MCPH1: variants seen among roughly 807,000 people sequenced by gnomAD.
MCPH1 encodes the protein microcephalin 1.
MCPH1 carries 104 observed loss-of-function variants against 84.5 expected under a neutral mutation model. That is an observed-to-expected ratio of 1.23 (90% CI 1.05 to 1.45). The LOEUF is 1.45. Ranked by LOEUF, MCPH1 falls within the 40% of genes most tolerant of loss-of-function variation. The probability of loss-of-function intolerance (pLI) is 0.00; values close to 1 mark genes in which losing one functional copy is unlikely to be tolerated. For synonymous variants in MCPH1, 514 were observed against 366.8 expected (o/e 1.40, Z -4.58); for missense variants, 1,498 against 1,005.7 (o/e 1.49, Z -6.62).
At chr8:6,491,369 T>C (rs1810556170) in intron 11 of MCPH1, among the ~76,000 whole-genome samples, 1 of 133,952 alleles carries the variant, frequency 7.5e-6, no homozygotes, top group South Asian at 2.3e-4. Flanking sequence ...GAGTCTATGG[T>C]TTCTTTCTTT....
intron 12 of MCPH1, among the ~76,000 whole-genome samples, chr8:6,587,497 A>G (rs1424854084): frequency 6.6e-6 from 1 of 152,166 alleles, no homozygotes; most frequent in African/African-American, 2.4e-5. Context: ...AAGATATAGA[A>G]CACTGTTTCT....
intron 13 of MCPH1, among the ~76,000 whole-genome samples, chr8:6,627,900 T>G (rs561969212): frequency 6.7e-6 from 1 of 148,792 alleles, no homozygotes; most frequent in African/African-American, 2.5e-5. Flanking sequence ...TAAAAATATA[T>G]ATGTGTTTAT....
At chr8:6,626,804 G>C (rs1012584228) in intron 13 of MCPH1, 62 of 985,230 alleles carry the variant, frequency 6.3e-5, no homozygotes, top group Non-Finnish European at 7.1e-5. Context: ...CATTTGTGCT[G>C]TGGTCAGCTC....
chr8:6,621,558 C>T lies in MCPH1; in HGVS notation c.2319C>T (p.Ala773=), dbSNP rs564066330. The change falls in exon 13 of 14, where the codon GCC becomes GCT. Residue 773 remains alanine (A), a synonymous_variant. Transcript: ENST00000344683. ...FVSPASSPPV[A]KLCELVHLCG... is the part of the protein sequence containing the mutation. Reference sequence around the variant, plus strand: ...CGCCTGCCAGCAGCCCCCCAGTGGCCAAGCTCTGTGAACTAGTCCACCTGT... The same window carrying T: ...CGCCTGCCAGCAGCCCCCCAGTGGCTAAGCTCTGTGAACTAGTCCACCTGT... 2 of 1,614,220 alleles carry T rather than the reference C, an allele frequency of 1.2e-6. No individual in the cohort carries two copies. Among genetic ancestry groups the T allele is most frequent in the African/African-American group, 1.3e-5 (1 of 75,050 alleles).
chr8:6,460,614 C>T (rs1245051204), intron 9 of MCPH1, among the ~76,000 whole-genome samples: 2 of 152,040 alleles, frequency 1.3e-5, no homozygotes, highest in Non-Finnish European at 2.9e-5. Context: ...GAAATAACTC[C>T]CTTTTCTGGC....
At chr8:6,517,646 C>A (rs1037477290) in intron 12 of MCPH1, among the ~76,000 whole-genome samples, 6 of 152,180 alleles carry the variant, frequency 3.9e-5, no homozygotes, top group African/African-American at 1.4e-4. Flanking sequence ...TGACCACTAC[C>A]ATTTACTGTC....
At chr8:6,479,093 T>A (rs1369790410) in intron 10 of MCPH1, among the ~76,000 whole-genome samples, 1 of 152,114 alleles carries the variant, frequency 6.6e-6, no homozygotes, top group Non-Finnish European at 1.5e-5. Context: ...AGCAAAACCT[T>A]GTGTCTACAA....
At chr8:6,534,802 C>G (rs1265774558) in intron 12 of MCPH1, among the ~76,000 whole-genome samples, 2 of 152,172 alleles carry the variant, frequency 1.3e-5, no homozygotes, top group Admixed American at 1.3e-4. Flanking sequence ...TTAATTCATT[C>G]TTTCTCCTTC....
At chr8:6,499,566 A>T (rs985257449) in intron 11 of MCPH1, 2 of 187,146 alleles carry the variant, frequency 1.1e-5, no homozygotes, top group South Asian at 1.4e-4. Flanking sequence ...TATATATAAA[A>T]TATTTCATAT....
chr8:6,526,745 T>C (rs1218167099), intron 12 of MCPH1, among the ~76,000 whole-genome samples: 1 of 152,178 alleles, frequency 6.6e-6, no homozygotes, highest in Non-Finnish European at 1.5e-5. Context: ...TATATTGTTA[T>C]AGCCATGTTC....
At chr8:6,556,434 AAG>A (rs1404703795) in intron 12 of MCPH1, among the ~76,000 whole-genome samples, 1 of 152,072 alleles carries the variant, frequency 6.6e-6, no homozygotes, top group Non-Finnish European at 1.5e-5. Flanking sequence ...TGTAGTGACC[AAG>A]GACTTAACAT....
In MCPH1 at chr8:6,645,788, A is replaced by G. The variant is rs986076549; in HGVS notation, c.*2739A>G. ...ACGATTCCATTTAAAATTGCATCTAAAAATAAACAAAATAGGAATAGACTT... is the reference window on the plus strand; with the variant it reads ...ACGATTCCATTTAAAATTGCATCTAGAAATAAACAAAATAGGAATAGACTT... On this transcript the variant is annotated 3_prime_UTR_variant, in exon 14 of 14. Transcript: ENST00000344683. 2 of 152,162 alleles carry G rather than the reference A, an allele frequency of 1.3e-5. No homozygotes were observed. Among genetic ancestry groups the G allele is most frequent in the Non-Finnish European group, 1.5e-5 (1 of 68,020 alleles). The allele number at this position is 152,162 out of a possible 1,614,324, so 9.4% of individuals were successfully genotyped here.
Position 6,480,778 on chromosome 8 carries a change from T to A in MCPH1, c.2038T>A (p.Cys680Ser). ...LKGFSIAPDV[C>S]ETTTHVLSGK... ...AGGCTTTTCAATTGCACCAGACGTC[T>A]GTGAGACCACGACTCACGTGCTTTC... is the stretch of plus-strand genomic sequence containing the variant. The change falls in exon 11 of 14, where the codon TGT (cysteine) becomes AGT (serine). Residue 680 changes from cysteine to serine, a missense_variant. Coordinates refer to ENST00000344683, the MANE Select transcript of MCPH1 (RefSeq NM_024596.5). The A allele has an allele frequency of 6.2e-7, 1 of 1,614,216 alleles. No individual in the cohort carries two copies.
At chr8:6,605,387 G>A (rs1829683133) in intron 12 of MCPH1, among the ~76,000 whole-genome samples, 1 of 152,136 alleles carries the variant, frequency 6.6e-6, no homozygotes, top group African/African-American at 2.4e-5. Flanking sequence ...GGGAGTCCTT[G>A]CCTTTCATTC....
At chr8:6,505,182 A>G (rs2129564090) in intron 12 of MCPH1, among the ~76,000 whole-genome samples, 1 of 143,426 alleles carries the variant, frequency 7.0e-6, no homozygotes, top group East Asian at 2.0e-4. Context: ...AAGAATATAT[A>G]TATATATATT....
At chr8:6,529,385 A>G (rs956901537) in intron 12 of MCPH1, among the ~76,000 whole-genome samples, 1 of 152,064 alleles carries the variant, frequency 6.6e-6, no homozygotes, top group Non-Finnish European at 1.5e-5. Context: ...CTGCTCAGCA[A>G]GTACCTTCAA....
At chr8:6,435,964 T>C in intron 4 of MCPH1, 84 bp from the exon 5 acceptor site, 1 of 1,509,360 alleles carries the variant, frequency 6.6e-7, no homozygotes, top group Non-Finnish European at 9.0e-7. Flanking sequence ...TTATAAAAGG[T>C]ATCAGAAATG....
chr8:6,538,533 C>G (rs368943542), intron 12 of MCPH1, among the ~76,000 whole-genome samples: 1 of 152,172 alleles, frequency 6.6e-6, no homozygotes, highest in Non-Finnish European at 1.5e-5. Flanking sequence ...TTGTGGGCCT[C>G]AGACCTGGGC....
At chr8:6,598,562 C>T (rs532063869) in intron 12 of MCPH1, among the ~76,000 whole-genome samples, 32 of 152,312 alleles carry the variant, frequency 2.1e-4, no homozygotes, top group Admixed American at 1.7e-3. Context: ...CAGCTCTCCT[C>T]GGGGCAAAGC....
Sources: allele counts gnomAD v4.1 joint callset (sites outside exome capture counted in the v4.1 genomes callset), GRCh38; gene constraint gnomAD v4.1.1; transcripts MANE v1.5; gene names NCBI Gene and HGNC (gene_info 2026-07-23, HGNC 2026-07-21).